The following PIGL variants were observed in gnomAD, a reference collection of about 807,000 sequenced individuals.
PIGL encodes the protein phosphatidylinositol glycan anchor biosynthesis class L.
Under a neutral mutation model 31.1 loss-of-function variants are expected in PIGL, and 22 were observed. That is an observed-to-expected ratio of 0.71 (90% CI 0.51 to 1.01). The LOEUF (loss-of-function observed/expected upper bound fraction) is 1.01, where lower values mean the gene tolerates loss of function less well. Among genes scored for constraint, PIGL ranks in the 50% least tolerant of loss-of-function variants. The pLI is 0.00. For missense variants in PIGL, 302 were observed against 315.9 expected (o/e 0.96, Z 0.33); for synonymous variants, 131 against 117.4 (o/e 1.12, Z -0.75).
intron 2 of PIGL, among the ~76,000 whole-genome samples, chr17:16,290,845 AT>A (rs201174957): frequency 1.3e-5 from 2 of 149,442 alleles, no homozygotes; most frequent in Non-Finnish European, 3.0e-5. Context: ...CTCTCAGCTA[AT>A]TTTTTTTTTA....
intron 2 of PIGL, among the ~76,000 whole-genome samples, chr17:16,285,782 C>T (rs2092935012): frequency 7.2e-6 from 1 of 138,118 alleles, no homozygotes; most frequent in Admixed American, 6.8e-5. Context: ...CCTTCTCTTA[C>T]TTATCTTTTC....
intron 2 of PIGL, among the ~76,000 whole-genome samples, chr17:16,285,510 G>A (rs778583332): frequency 6.6e-6 from 1 of 152,122 alleles, no homozygotes; most frequent in Non-Finnish European, 1.5e-5. Context: ...ACCTGAACCC[G>A]GGCGGCAGAG....
chr17:16,324,012 G>A (rs577485833), intron 6 of PIGL, among the ~76,000 whole-genome samples: 57 of 149,434 alleles, frequency 3.8e-4, no homozygotes, highest in Non-Finnish European at 8.0e-4. Flanking sequence ...GCTGGAGTGC[G>A]ATGATGCGAT....
chr17:16,318,882 GATC>G (rs2093090386), intron 6 of PIGL, among the ~76,000 whole-genome samples: 1 of 151,626 alleles, frequency 6.6e-6, no homozygotes. Context: ...GGTGAGCTGA[GATC>G]ATGCCACTGT....
intron 1 of PIGL, among the ~76,000 whole-genome samples, chr17:16,232,245 T>C (rs1378832537): frequency 6.6e-6 from 1 of 151,988 alleles, no homozygotes; most frequent in Non-Finnish European, 1.5e-5. Flanking sequence ...ACCACTGCAC[T>C]CCAGCCTGGG....
chr17:16,311,443 G>T, intron 3 of PIGL, among the ~76,000 whole-genome samples: 1 of 51,046 alleles, frequency 2.0e-5, no homozygotes, highest in Non-Finnish European at 3.9e-5. Context: ...AAGTGGTAAA[G>T]CCCAAAGCAC....
chr17:16,309,844 C>T (rs1419089186), intron 3 of PIGL, among the ~76,000 whole-genome samples: 1 of 151,822 alleles, frequency 6.6e-6, no homozygotes, highest in Non-Finnish European at 1.5e-5. Context: ...TTTGGGAGGC[C>T]AAGGCAAGCG....
In PIGL at chr17:16,310,941, G is replaced by C. The variant is rs531476076; in HGVS notation, c.427-2606G>C. On this transcript the variant is annotated intron_variant, in intron 3 of 6. Coordinates refer to ENST00000225609, the MANE Select transcript of PIGL (RefSeq NM_004278.4). ...TCAGTGGCAAGGTGATCACAGCTTC[G>C]GCCTCTGCTTCCTGAACTTCCTCAG... Among the ~76,000 whole-genome samples, 1,228 of 152,270 alleles carry C rather than the reference G, an allele frequency of 8.1e-3. 10 individuals are homozygous for C. Among genetic ancestry groups the C allele is most frequent in the Non-Finnish European group, 0.013 (903 of 68,032 alleles).
chr17:16,294,253 A>T (rs1333204902), intron 2 of PIGL, among the ~76,000 whole-genome samples: 10 of 152,148 alleles, frequency 6.6e-5, no homozygotes, highest in Non-Finnish European at 2.9e-5. Flanking sequence ...AAAGCAGGGG[A>T]GCTAGAACTC....
chr17:16,271,972 A>C (rs56269147), intron 2 of PIGL, among the ~76,000 whole-genome samples: 62,809 of 151,844 alleles, frequency 0.41, 13,812 homozygotes, highest in East Asian at 0.75. Context: ...CAATCTTCCC[A>C]CCTTGGCCCC....
At chr17:16,248,773 G>A (rs2092759076) in intron 2 of PIGL, among the ~76,000 whole-genome samples, 1 of 152,152 alleles carries the variant, frequency 6.6e-6, no homozygotes, top group African/African-American at 2.4e-5. Flanking sequence ...TTACTTCACA[G>A]TACTAAAATC....
chr17:16,310,204 T>A (rs2093043186), intron 3 of PIGL, among the ~76,000 whole-genome samples: 1 of 152,122 alleles, frequency 6.6e-6, no homozygotes, highest in Admixed American at 6.6e-5. Context: ...TCTGTTGACT[T>A]TGTCAACATG....
rs115844499 is a variant in PIGL at position 16,275,320 on chromosome 17, G to A, written c.336-24568G>A. 9.3e-3 allele frequency among the ~76,000 whole-genome samples: 1,418 copies of A among 152,238 alleles called. 30 individuals carry two copies. Among genetic ancestry groups the A allele is most frequent in the African/African-American group, 0.033 (1,351 of 41,546 alleles). ...AGCATGCTGATGCATTATAATTAGCGTATAATGAGCAATGAGAACCACCAG... is the reference window on the plus strand; with the variant it reads ...AGCATGCTGATGCATTATAATTAGCATATAATGAGCAATGAGAACCACCAG... On this transcript the variant is annotated intron_variant, in intron 2 of 6. Coordinates refer to ENST00000225609, the MANE Select transcript of PIGL (RefSeq NM_004278.4).
At chr17:16,316,094 AAG>A (rs2093075921) in intron 4 of PIGL, among the ~76,000 whole-genome samples, 1 of 152,044 alleles carries the variant, frequency 6.6e-6, no homozygotes, top group East Asian at 1.9e-4. Context: ...CCCTGCTCCC[AAG>A]AGTCTCTGTT....
chr17:16,313,426 T>C (rs1055539114), intron 3 of PIGL, 121 bp from the exon 4 acceptor site: 3 of 753,146 alleles, frequency 4.0e-6, no homozygotes, highest in Non-Finnish European at 7.3e-6. Context: ...TCACTTCAGA[T>C]AGATGCTGCA....
At chr17:16,298,853 C>A (rs761097479) in intron 2 of PIGL, among the ~76,000 whole-genome samples, 5 of 151,894 alleles carry the variant, frequency 3.3e-5, no homozygotes, top group Non-Finnish European at 5.9e-5. Context: ...CTTGGTGACA[C>A]CCTGTCTCTA....
intron 2 of PIGL, among the ~76,000 whole-genome samples, chr17:16,240,915 G>C (rs552809668): frequency 1.3e-5 from 2 of 151,826 alleles, no homozygotes; most frequent in South Asian, 2.1e-4. Flanking sequence ...GGGAGTTCGA[G>C]ACCAGCCTGA....
At chr17:16,320,168 AAG>A (rs1331644626) in intron 6 of PIGL, among the ~76,000 whole-genome samples, 5 of 142,858 alleles carry the variant, frequency 3.5e-5, no homozygotes, top group African/African-American at 1.3e-4. Flanking sequence ...GGAAGGGAGA[AAG>A]AGACAGAGAG....
At chr17:16,267,673 TAAC>T (rs1325144562) in intron 2 of PIGL, among the ~76,000 whole-genome samples, 1 of 146,622 alleles carries the variant, frequency 6.8e-6, no homozygotes, top group East Asian at 2.0e-4. Flanking sequence ...CCAGCCTGGG[TAAC>T]ACAGTGAGAC....
Sources: gnomAD v4.1 joint callset for allele counts (sites outside exome capture counted in the v4.1 genomes callset) on GRCh38, gnomAD v4.1.1 for gene constraint, MANE v1.5 for transcripts, NCBI Gene and HGNC (gene_info 2026-07-23, HGNC 2026-07-21) for gene names.